Variants in PROK1 observed in about 807,000 individuals in gnomAD.
PROK1 encodes prokineticin 1, also known as prokineticin-1.
Under a neutral mutation model 8.8 loss-of-function variants are expected in PROK1, and 10 were observed. The ratio of observed to expected loss-of-function variants is 1.13; its 90% confidence interval spans 0.70 to 1.92. PROK1 has a LOEUF of 1.92. Among genes scored for constraint, PROK1 ranks in the 30% most tolerant of loss-of-function variants. The pLI, the probability that PROK1 is intolerant of heterozygous loss-of-function variation, is 0.00. For synonymous variants in PROK1, 57 were observed against 56.0 expected, an observed-to-expected ratio of 1.02 and a Z score of -0.08; for missense variants, 140 against 139.7, an observed-to-expected ratio of 1.00 and a Z score of -0.01.
intron 2 of PROK1, 112 bp downstream of exon 2, chr1:110,454,198 G>A: frequency 1.4e-6 from 2 of 1,398,708 alleles, no homozygotes; most frequent in Non-Finnish European, 9.6e-7. Flanking sequence ...GCTGGCTCCA[G>A]AGAGGCAGTC....
At chr1:110,454,983 C>G (rs1308846188) in intron 2 of PROK1, among the ~76,000 whole-genome samples, 2 of 152,180 alleles carry the variant, frequency 1.3e-5, no homozygotes, top group East Asian at 1.9e-4. Flanking sequence ...CTTGCTCCCA[C>G]TCCTTGACCT....
rs749125320 is a variant in PROK1, at chr1:110,453,993, C to T, written c.105C>T (p.Gly35=). 1.2e-5 allele frequency: 20 copies of T among 1,614,224 alleles called. No individual in the cohort carries two copies. Among genetic ancestry groups the T allele is most frequent in the South Asian group, 1.1e-4 (10 of 91,084 alleles). The change falls in exon 2 of 3, where the codon GGC becomes GGT. Residue 35 remains glycine (G), a synonymous_variant. Transcript: ENST00000271331. ...ACERDVQCGA[G]TCCAISLWLR... ...AGCGGGATGTCCAGTGTGGGGCAGG[C>T]ACCTGCTGTGCCATCAGCCTGTGGC...
chr1:110,451,325 G>C lies in PROK1; in HGVS notation c.72+37G>C, dbSNP rs771194969. 3.0e-5 allele frequency: 48 copies of C among 1,593,904 alleles called. No individual in the cohort carries two copies. In the East Asian group the frequency reaches 1.1e-3, roughly 36 times the overall value. ...AACATTCTCTGTGCCTTGGGTTTTG[G>C]GAAGATGTCAGGGTCTGCACGGGTT... On this transcript the variant is annotated intron_variant, in intron 1 of 2. Transcript: ENST00000271331.
intron 2 of PROK1, 94 bp from the exon 3 acceptor site, chr1:110,456,138 T>A: frequency 7.2e-7 from 1 of 1,386,788 alleles, no homozygotes. Flanking sequence ...GGTGTGGGGG[T>A]GAGACTTTTG....
At chr1:110,453,220 A>G (rs1272721811) in intron 1 of PROK1, among the ~76,000 whole-genome samples, 4 of 152,188 alleles carry the variant, frequency 2.6e-5, no homozygotes, top group African/African-American at 9.7e-5. Context: ...TCCCCACCTG[A>G]GTCTGGAGCA....
At chr1:110,453,394 G>A (rs1393318261) in intron 1 of PROK1, among the ~76,000 whole-genome samples, 2 of 152,218 alleles carry the variant, frequency 1.3e-5, no homozygotes, top group Non-Finnish European at 2.9e-5. Flanking sequence ...ATGGAAGTCA[G>A]TAGAGAAACC....
At chr1:110,455,995 C>G (rs1207146427) in intron 2 of PROK1, among the ~76,000 whole-genome samples, 1 of 152,198 alleles carries the variant, frequency 6.6e-6, no homozygotes, top group Non-Finnish European at 1.5e-5. Flanking sequence ...GCCAGGTAGC[C>G]TGGGTGCAAA....
chr1:110,454,068 C>T lies in PROK1; in HGVS notation c.180C>T (p.Cys60=). The T allele has an allele frequency of 2.5e-6, 4 of 1,613,456 alleles. No individual in the cohort carries two copies. In the East Asian group the frequency reaches 6.7e-5, roughly 27 times the overall value. The part of the protein sequence containing the change: ...CTPLGREGEE[C]HPGSHKVPFF... Reference sequence around the variant, plus strand: ...CGCTGGGGCGGGAAGGCGAGGAGTGCCACCCCGGCAGCCACAAGGTACTCT... The same window carrying T: ...CGCTGGGGCGGGAAGGCGAGGAGTGTCACCCCGGCAGCCACAAGGTACTCT... Residue 60 remains cysteine, a synonymous_variant, in exon 2 of 3, where the codon TGC becomes TGT. Coordinates refer to ENST00000271331, the MANE Select transcript of PROK1 (RefSeq NM_032414.3).
chr1:110,451,268 G>T lies in PROK1; in HGVS notation c.52G>T (p.Asp18Tyr). 7 of 1,614,146 alleles carry T rather than the reference G, an allele frequency of 4.3e-6. No individual in the cohort carries two copies. Among genetic ancestry groups the T allele is most frequent in the Non-Finnish European group, 5.9e-6 (7 of 1,179,988 alleles). The change falls in exon 1 of 3, where the codon GAC becomes TAC. Residue 18 changes from aspartate to tyrosine, a missense_variant. By Grantham distance (160) the Asp-to-Tyr change is radical. Coordinates refer to ENST00000271331, the MANE Select transcript of PROK1 (RefSeq NM_032414.3). ...CATGCTCCTCCTAGTAACTGTGTCT[G>T]ACTGTGCTGTGATCACAGGGGTAAG... is the stretch of plus-strand genomic sequence containing the variant. ...SIMLLLVTVS[D>Y]CAVITGACER...
At chr1:110,451,389 A>G in intron 1 of PROK1, 101 bp downstream of exon 1, 1 of 998,030 alleles carries the variant, frequency 1.0e-6, no homozygotes, top group Non-Finnish European at 1.6e-6. Flanking sequence ...TGTTGGCTCA[A>G]CACAGTGTGA....
rs1664132192 is a variant in PROK1 at position 110,454,045 on chromosome 1, C to G, written c.157C>G (p.Leu53Val). 2 of 1,613,956 alleles carry G rather than the reference C, an allele frequency of 1.2e-6. No individual in the cohort carries two copies. The highest frequency in any genetic ancestry group is 2.7e-5 in the African/African-American group (2 of 74,954). The change falls in exon 2 of 3, where the codon CTG becomes GTG. Residue 53 changes from leucine to valine, a missense_variant. Coordinates refer to ENST00000271331, the MANE Select transcript of PROK1 (RefSeq NM_032414.3). ...TCGAGGGCTGCGGATGTGCACCCCG[C>G]TGGGGCGGGAAGGCGAGGAGTGCCA... is the stretch of plus-strand genomic sequence containing the variant. ...WLRGLRMCTP[L>V]GREGEECHPG...
intron 1 of PROK1, among the ~76,000 whole-genome samples, chr1:110,453,237 A>G (rs1664115315): frequency 6.6e-6 from 1 of 152,188 alleles, no homozygotes; most frequent in African/African-American, 2.4e-5. Context: ...AGCAGTTAAG[A>G]GTTCTGTCTT....
intron 2 of PROK1, among the ~76,000 whole-genome samples, 192 bp downstream of exon 2, chr1:110,454,278 A>C (rs1232214160): frequency 2.0e-5 from 3 of 152,212 alleles, no homozygotes; most frequent in African/African-American, 7.2e-5. Context: ...CCAGCCCCTG[A>C]ATGTCCAAGG....
chr1:110,451,284 C>T lies in PROK1; in HGVS notation c.68C>T (p.Thr23Ile), dbSNP rs1174739584. The T allele has an allele frequency of 6.2e-7, 1 of 1,614,028 alleles. No individual in the cohort carries two copies. The highest frequency in any genetic ancestry group is 1.3e-5 in the African/African-American group (1 of 75,026). The change falls in exon 1 of 3, where the codon ACA (threonine) becomes ATA (isoleucine). Residue 23 changes from threonine (T) to isoleucine (I), a missense_variant. Coordinates refer to ENST00000271331, the MANE Select transcript of PROK1 (RefSeq NM_032414.3). ...ACTGTGTCTGACTGTGCTGTGATCA[C>T]AGGGGTAAGTCGCCTAACATTCTCT... ...LVTVSDCAVI[T>I]GACERDVQCG...
chr1:110,451,528 T>G (rs1482222001), intron 1 of PROK1, among the ~76,000 whole-genome samples: 1 of 152,228 alleles, frequency 6.6e-6, no homozygotes, highest in East Asian at 1.9e-4. Context: ...TTTCAATGTG[T>G]TAGCAGAGCA....
chr1:110,456,734 G>T lies in PROK1; in HGVS notation c.*383G>T. The T allele has an allele frequency of 2.9e-6, 1 of 346,322 alleles. No individual in the cohort carries two copies. Among genetic ancestry groups the T allele is most frequent in the South Asian group, 2.4e-5 (1 of 42,000 alleles). The allele number at this position is 346,322 out of a possible 1,614,324, so 21.5% of individuals were successfully genotyped here. A position where few individuals can be genotyped will look rare whatever the true frequency, so the allele number is the denominator to read the frequency against. On this transcript the variant is annotated 3_prime_UTR_variant, in exon 3 of 3. Transcript: ENST00000271331. Reference sequence around the variant, plus strand: ...CTCGGTCTGAATTAGACATTCCTGGGCACAGGCTCTTGGGTGCATTGCTCA... The same window carrying T: ...CTCGGTCTGAATTAGACATTCCTGGTCACAGGCTCTTGGGTGCATTGCTCA...
Position 110,452,224 on chromosome 1 carries a change from T to C in PROK1, c.72+936T>C, listed in dbSNP as rs570088622. Among the ~76,000 whole-genome samples, 8 of 152,358 alleles carry C rather than the reference T, an allele frequency of 5.3e-5. No homozygotes were observed. The South Asian group carries it at 1.4e-3, about 28-fold the overall frequency. On this transcript the variant is annotated intron_variant, in intron 1 of 2. Coordinates refer to ENST00000271331, the MANE Select transcript of PROK1 (RefSeq NM_032414.3). ...GAGAAATGCCAAACAATTCCTGGAATTGGGTTAATTTTACCATTCACAGAA... is the reference window on the plus strand; with the variant it reads ...GAGAAATGCCAAACAATTCCTGGAACTGGGTTAATTTTACCATTCACAGAA...
chr1:110,453,806 A>G (rs1664127057), intron 1 of PROK1, among the ~76,000 whole-genome samples, 155 bp from the exon 2 acceptor site: 1 of 152,194 alleles, frequency 6.6e-6, no homozygotes, highest in Non-Finnish European at 1.5e-5. Flanking sequence ...AAGGCAATAA[A>G]GTGTGGCCCA....
chr1:110,454,071 C>G lies in PROK1; in HGVS notation c.183C>G (p.His61Gln), dbSNP rs773074032. The G allele has an allele frequency of 3.1e-6, 5 of 1,613,556 alleles. No individual in the cohort carries two copies. The African/African-American group carries it at 6.7e-5, about 21-fold the overall frequency. Residue 61 changes from histidine to glutamine, a missense_variant, in exon 2 of 3, where the codon CAC becomes CAG. Physicochemically the swap from His to Gln is conservative, Grantham distance 24. Coordinates refer to ENST00000271331, the MANE Select transcript of PROK1 (RefSeq NM_032414.3). ...TPLGREGEEC[H>Q]PGSHKVPFFR... is the part of the protein sequence containing the mutation. Reference sequence around the variant, plus strand: ...TGGGGCGGGAAGGCGAGGAGTGCCACCCCGGCAGCCACAAGGTACTCTGCA... The same window carrying G: ...TGGGGCGGGAAGGCGAGGAGTGCCAGCCCGGCAGCCACAAGGTACTCTGCA...
Sources: gnomAD v4.1 joint callset for allele counts (sites outside exome capture counted in the v4.1 genomes callset) on GRCh38, gnomAD v4.1.1 for gene constraint, MANE v1.5 for transcripts, NCBI Gene and HGNC (gene_info 2026-07-23, HGNC 2026-07-21) for gene names.